The following EPHA3 variants were observed in gnomAD, a reference collection of about 807,000 sequenced individuals.
EPHA3 encodes ephrin type-A receptor 3.
A neutral mutation model predicts 107.1 loss-of-function variants in EPHA3; 42 were observed. The observed-to-expected ratio is 0.39, with a 90% CI of 0.31 to 0.51. EPHA3 has a LOEUF of 0.51. EPHA3 is among the 20% of genes least tolerant of loss of function. EPHA3 has a pLI of 0.78. For missense variants in EPHA3, 1,183 were observed against 1,211.2 expected, an observed-to-expected ratio of 0.98 and a Z score of 0.35; for synonymous variants, 461 against 424.8, an observed-to-expected ratio of 1.09 and a Z score of -1.05.
intron 5 of EPHA3, among the ~76,000 whole-genome samples, chr3:89,354,749 T>G (rs556322523): frequency 6.6e-6 from 1 of 151,354 alleles, no homozygotes; most frequent in South Asian, 2.1e-4. Flanking sequence ...TGTAATTATC[T>G]TATTCAATCT....
chr3:89,231,982 T>C (rs1704644424), intron 3 of EPHA3, among the ~76,000 whole-genome samples: 1 of 152,102 alleles, frequency 6.6e-6, no homozygotes, highest in Admixed American at 6.6e-5. Flanking sequence ...CCTTCTTTCC[T>C]CCAAGTGCAG....
chr3:89,404,253 G>A (rs1029622654), intron 7 of EPHA3, among the ~76,000 whole-genome samples: 18 of 152,124 alleles, frequency 1.2e-4, no homozygotes, highest in Non-Finnish European at 1.5e-5. Context: ...TCATTTTGTA[G>A]GAAATAGAGT....
intron 2 of EPHA3, among the ~76,000 whole-genome samples, chr3:89,169,389 T>G (rs1705159089): frequency 6.6e-6 from 1 of 152,226 alleles, no homozygotes; most frequent in African/African-American, 2.4e-5. Flanking sequence ...GCTGTGCTTC[T>G]GAAATACAGC....
intron 5 of EPHA3, among the ~76,000 whole-genome samples, chr3:89,353,898 C>T (rs938587099): frequency 4.0e-5 from 6 of 151,160 alleles, no homozygotes; most frequent in Non-Finnish European, 7.4e-5. Flanking sequence ...GTTTTATATA[C>T]GACTCTAATT....
intron 5 of EPHA3, among the ~76,000 whole-genome samples, chr3:89,393,370 A>G (rs1202143185): frequency 6.6e-6 from 1 of 152,232 alleles, no homozygotes; most frequent in Admixed American, 6.5e-5. Flanking sequence ...ACAGACCCCC[A>G]AAACAGCCCA....
At chr3:89,225,198 T>C (rs1434112556) in intron 3 of EPHA3, among the ~76,000 whole-genome samples, 10 of 152,288 alleles carry the variant, frequency 6.6e-5, no homozygotes, top group East Asian at 1.9e-4. Context: ...GTCATGGCTA[T>C]GATTATGTGC....
At position 89,219,689 on chromosome 3, in the gene EPHA3, T is replaced by TGTTTTTTTTTGTTG. The variant is rs1265976438; in HGVS notation, c.814+9169_814+9170insGTTTTTTTTTGTTG. On this transcript the variant is annotated intron_variant, in intron 3 of 16. Coordinates refer to ENST00000336596, the MANE Select transcript of EPHA3 (RefSeq NM_005233.6). Reference sequence around the variant, plus strand: ...TACCTCCAAGAGGCATTTGGCAATGTTTTTTTTTTTTTTGTTTTTTGTTTT... The same window carrying TGTTTTTTTTTGTTG: ...TACCTCCAAGAGGCATTTGGCAATGTGTTTTTTTTTGTTGTTTTTTTTTTTTTGTTTTTTGTTTT... Among the ~76,000 whole-genome samples, 8 of 16,628 alleles carry TGTTTTTTTTTGTTG rather than the reference T, an allele frequency of 4.8e-4. 2 individuals carry two copies. The highest frequency in any genetic ancestry group is 1.0e-3 in the Non-Finnish European group (8 of 7,696). 10.9% of individuals were successfully genotyped at this position (16,628 alleles called of 152,430 possible).
rs117141868 is a variant in EPHA3, at chr3:89,186,936, T to C, written c.154-22924T>C. 9.9e-5 allele frequency among the ~76,000 whole-genome samples: 15 copies of C among 152,278 alleles called. No individual in the cohort carries two copies. In the East Asian group the frequency reaches 2.3e-3, roughly 23 times the overall value. On this transcript the variant is annotated intron_variant, in intron 2 of 16. Transcript: ENST00000336596. ...TCTTTAATTTACTGTGTGCCCATTT[T>C]ATATTGCTGAGTTATGCCATGCAAA...
At chr3:89,359,802 C>CATATATATACATATATATACAT (rs1217940404) in intron 5 of EPHA3, among the ~76,000 whole-genome samples, 3 of 141,386 alleles carry the variant, frequency 2.1e-5, no homozygotes, top group Non-Finnish European at 3.1e-5. Flanking sequence ...CATATATACA[C>CATATATATACATATATATACAT]ATATATATAC....
At chr3:89,187,254 T>C (rs1705588747) in intron 2 of EPHA3, among the ~76,000 whole-genome samples, 1 of 149,764 alleles carries the variant, frequency 6.7e-6, no homozygotes, top group Non-Finnish European at 1.5e-5. Flanking sequence ...TATTAATAAG[T>C]AATTAATATT....
At chr3:89,477,418 G>A (rs931649603) in intron 16 of EPHA3, among the ~76,000 whole-genome samples, 16 of 152,168 alleles carry the variant, frequency 1.1e-4, no homozygotes, top group African/African-American at 2.9e-4. Flanking sequence ...GAATTCAGTA[G>A]AGTCTCGGTT....
intron 7 of EPHA3, chr3:89,399,851 C>A (rs934252143): frequency 3.7e-6 from 4 of 1,082,654 alleles, no homozygotes; most frequent in Non-Finnish European, 4.5e-6. Context: ...AAAAAAGAAA[C>A]TTGCTGATCC....
At chr3:89,391,585 G>T (rs1379592522) in intron 5 of EPHA3, among the ~76,000 whole-genome samples, 16 of 150,688 alleles carry the variant, frequency 1.1e-4, no homozygotes, top group Non-Finnish European at 2.4e-4. Context: ...CCGCCACCAT[G>T]CCCAGCTAAT....
Position 89,327,956 on chromosome 3 carries a change from C to A in EPHA3, c.815-12960C>A, listed in dbSNP as rs534345977. Among the ~76,000 whole-genome samples, 3 of 151,572 alleles carry A rather than the reference C, an allele frequency of 2.0e-5. No individual in the cohort carries two copies. The East Asian group carries it at 5.8e-4, about 30-fold the overall frequency. On this transcript the variant is annotated intron_variant, in intron 3 of 16. Transcript: ENST00000336596. Reference sequence around the variant, plus strand: ...CCACTAAAAATACAAAAATAAGCTGCGCATGGTGGCTGTCACCTGTAATCC... The same window carrying A: ...CCACTAAAAATACAAAAATAAGCTGAGCATGGTGGCTGTCACCTGTAATCC...
At chr3:89,448,307 A>G (rs1195441932) in intron 13 of EPHA3, among the ~76,000 whole-genome samples, 1 of 152,140 alleles carries the variant, frequency 6.6e-6, no homozygotes, top group South Asian at 2.1e-4. Flanking sequence ...TTGAAAAGCA[A>G]TGTGCTAGAT....
At chr3:89,373,571 T>C (rs182214495) in intron 5 of EPHA3, among the ~76,000 whole-genome samples, 388 of 151,964 alleles carry the variant, frequency 2.6e-3, no homozygotes, top group African/African-American at 9.1e-3. Context: ...GTCTCATTCC[T>C]ATGTGACAGG....
rs112987362 is a variant in EPHA3 at position 89,179,731 on chromosome 3, G to A, written c.154-30129G>A. 8.1e-3 allele frequency among the ~76,000 whole-genome samples: 1,209 copies of A among 150,118 alleles called. 12 individuals carry two copies. The highest frequency in any genetic ancestry group is 0.021 in the African/African-American group (879 of 40,986). ...GAAATCCTTGTCTAGCTCCTTTTTC[G>A]CTTTTTCCTATTAACACATAAAGTC... On this transcript the variant is annotated intron_variant, in intron 2 of 16. Coordinates refer to ENST00000336596, the MANE Select transcript of EPHA3 (RefSeq NM_005233.6).
intron 3 of EPHA3, among the ~76,000 whole-genome samples, chr3:89,219,919 G>T (rs1218085491): frequency 1.3e-5 from 2 of 149,078 alleles, no homozygotes. Context: ...CGTTTTAGCC[G>T]GGATGGTCTC....
At chr3:89,439,990 G>C (rs1234417565) in intron 13 of EPHA3, among the ~76,000 whole-genome samples, 1 of 152,056 alleles carries the variant, frequency 6.6e-6, no homozygotes, top group African/African-American at 2.4e-5. Context: ...GATGTTGAAA[G>C]ATCTCAAAAG....
Sources: gnomAD v4.1 joint callset for allele counts (sites outside exome capture counted in the v4.1 genomes callset) on GRCh38, gnomAD v4.1.1 for gene constraint, MANE v1.5 for transcripts, NCBI Gene and HGNC (gene_info 2026-07-23, HGNC 2026-07-21) for gene names.